Variants in ZBTB20 observed in about 807,000 individuals in gnomAD.
ZBTB20 encodes zinc finger and BTB domain-containing protein 20.
Under a neutral mutation model 56.9 loss-of-function variants are expected in ZBTB20, and 9 were observed. The observed-to-expected ratio is 0.16, with a 90% CI of 0.10 to 0.28. ZBTB20 has a LOEUF of 0.28. Ranked by LOEUF, ZBTB20 falls within the 10% of genes least tolerant of loss-of-function variation. The pLI is 1.00. For synonymous variants in ZBTB20, 417 were observed against 420.7 expected (o/e 0.99, Z 0.11); for missense variants, 655 against 1,003.0 (o/e 0.65, Z 4.69).
chr3:114,788,510 A>C (rs2070716681), intron 5 of ZBTB20, among the ~76,000 whole-genome samples: 1 of 152,146 alleles, frequency 6.6e-6, no homozygotes, highest in Non-Finnish European at 1.5e-5. Flanking sequence ...AGGAGGAATA[A>C]TATTCCATTC....
At chr3:115,097,351 GTATT>G (rs776378817) in intron 1 of ZBTB20, among the ~76,000 whole-genome samples, 2 of 151,636 alleles carry the variant, frequency 1.3e-5, no homozygotes, top group Non-Finnish European at 2.9e-5. Context: ...GGTAGTTTTT[GTATT>G]TTTTTTTTAG....
chr3:114,971,893 C>A (rs2077898547), intron 3 of ZBTB20, among the ~76,000 whole-genome samples: 1 of 152,156 alleles, frequency 6.6e-6, no homozygotes, highest in African/African-American at 2.4e-5. Flanking sequence ...GCAGCTTTGC[C>A]AGTACAGACT....
chr3:114,599,263 G>C (rs9869646), intron 6 of ZBTB20: 1 of 151,870 alleles, frequency 6.6e-6, no homozygotes, highest in Admixed American at 6.6e-5. Flanking sequence ...AAATAGTTTC[G>C]TGAGGACTCA....
intron 7 of ZBTB20, among the ~76,000 whole-genome samples, chr3:114,474,781 C>A (rs1344619592): frequency 6.6e-6 from 1 of 152,162 alleles, no homozygotes; most frequent in Non-Finnish European, 1.5e-5. Flanking sequence ...AATTCTCCCG[C>A]CACATTTCAT....
chr3:115,085,721 G>A (rs1319501009), intron 1 of ZBTB20, among the ~76,000 whole-genome samples: 3 of 151,852 alleles, frequency 2.0e-5, no homozygotes, highest in East Asian at 1.9e-4. Flanking sequence ...GCCTCAGGCC[G>A]AGTGATAAGA....
At chr3:114,501,696 G>GA (rs1553732326) in intron 6 of ZBTB20, among the ~76,000 whole-genome samples, 1 of 134,374 alleles carries the variant, frequency 7.4e-6, no homozygotes, top group Non-Finnish European at 1.6e-5. Context: ...ATTGTGCTTT[G>GA]TTTTTTTTTC....
At chr3:114,730,665 C>T (rs1249980261) in intron 5 of ZBTB20, among the ~76,000 whole-genome samples, 2 of 152,170 alleles carry the variant, frequency 1.3e-5, no homozygotes, top group Non-Finnish European at 2.9e-5. Context: ...CAGCCAAAGA[C>T]AGAGGCCTCA....
intron 5 of ZBTB20, among the ~76,000 whole-genome samples, chr3:114,726,425 T>C (rs1311897323): frequency 6.6e-6 from 1 of 152,230 alleles, no homozygotes; most frequent in Non-Finnish European, 1.5e-5. Flanking sequence ...ATTCAATATC[T>C]CTTTAGATCA....
chr3:114,478,123 C>T (rs537581678), intron 7 of ZBTB20, among the ~76,000 whole-genome samples: 18 of 152,078 alleles, frequency 1.2e-4, no homozygotes, highest in South Asian at 2.1e-4. Flanking sequence ...TGCGCCACCA[C>T]GGCTGGCTAA....
intron 7 of ZBTB20, among the ~76,000 whole-genome samples, chr3:114,449,925 ATTGAG>A (rs2091497795): frequency 6.6e-6 from 1 of 152,182 alleles, no homozygotes; most frequent in Non-Finnish European, 1.5e-5. Flanking sequence ...GAAATAACTG[ATTGAG>A]TTAATTTTTT....
intron 6 of ZBTB20, among the ~76,000 whole-genome samples, chr3:114,589,167 C>T (rs893540360): frequency 6.6e-6 from 1 of 152,158 alleles, no homozygotes; most frequent in East Asian, 1.9e-4. Context: ...CAAACCATAT[C>T]ATAATCTATC....
At chr3:114,878,330 T>C (rs1250984289) in intron 4 of ZBTB20, among the ~76,000 whole-genome samples, 3 of 152,256 alleles carry the variant, frequency 2.0e-5, no homozygotes, top group Non-Finnish European at 2.9e-5. Context: ...GAACAATGCA[T>C]ACACTTACCC....
chr3:114,675,326 G>A (rs1055940157), intron 6 of ZBTB20, among the ~76,000 whole-genome samples: 1 of 117,880 alleles, frequency 8.5e-6, no homozygotes, highest in Admixed American at 1.1e-4. Flanking sequence ...TAAGGTTACT[G>A]TGTTTTTTTT....
At chr3:114,790,516 T>A (rs2070871959) in intron 5 of ZBTB20, among the ~76,000 whole-genome samples, 1 of 152,132 alleles carries the variant, frequency 6.6e-6, no homozygotes, top group African/African-American at 2.4e-5. Context: ...GGCTGCATTA[T>A]CTTCAATAAC....
chr3:114,982,720 T>C (rs1309208807), intron 2 of ZBTB20, among the ~76,000 whole-genome samples: 1 of 152,074 alleles, frequency 6.6e-6, no homozygotes, highest in Non-Finnish European at 1.5e-5. Flanking sequence ...CGCAGTTTAG[T>C]TACATATGTA....
chr3:114,613,595 C>T (rs1457559671), intron 6 of ZBTB20, among the ~76,000 whole-genome samples: 1 of 152,136 alleles, frequency 6.6e-6, no homozygotes, highest in Non-Finnish European at 1.5e-5. Context: ...GATCATATAT[C>T]AGCTACTTGA....
chr3:114,968,585 T>C (rs1404264366), intron 3 of ZBTB20, among the ~76,000 whole-genome samples: 1 of 152,050 alleles, frequency 6.6e-6, no homozygotes, highest in Non-Finnish European at 1.5e-5. Context: ...TAATGAACTA[T>C]CTGATCAGAA....
rs542522301 is a variant in ZBTB20 at position 114,961,804 on chromosome 3, A to G, written c.-456+12562T>C. ...AAGTTCATATAAAACTAAAGGTAAT[A>G]TAGAGCAGAAGCCAACACTAATTCT... On this transcript the variant is annotated intron_variant, in intron 3 of 11. Transcript: ENST00000675478. Among the ~76,000 whole-genome samples, 3 of 152,270 alleles carry G rather than the reference A, an allele frequency of 2.0e-5. No individual in the cohort carries two copies. In the South Asian group the frequency reaches 6.2e-4, roughly 32 times the overall value.
intron 1 of ZBTB20, among the ~76,000 whole-genome samples, chr3:115,101,321 G>C (rs1259627762): frequency 1.3e-5 from 2 of 152,084 alleles, no homozygotes; most frequent in Non-Finnish European, 2.9e-5. Flanking sequence ...AAAAAAAACA[G>C]TTTTTCTTTG....
Sources: allele counts gnomAD v4.1 joint callset (sites outside exome capture counted in the v4.1 genomes callset), GRCh38; gene constraint gnomAD v4.1.1; transcripts MANE v1.5; gene names NCBI Gene and HGNC (gene_info 2026-07-23, HGNC 2026-07-21).